Variants in MAGI2 observed in about 807,000 individuals in gnomAD.
The protein encoded by MAGI2 is membrane-associated guanylate kinase, WW and PDZ domain-containing protein 2.
MAGI2 carries 35 observed loss-of-function variants against 133.3 expected under a neutral mutation model. The observed-to-expected ratio is 0.26, with a 90% CI of 0.20 to 0.35. The LOEUF is 0.35. MAGI2 is among the 10% of genes least tolerant of loss of function. The probability of loss-of-function intolerance (pLI) is 1.00; values close to 1 mark genes in which losing one functional copy is unlikely to be tolerated. For missense variants in MAGI2, 1,636 were observed against 1,863.4 expected (o/e 0.88, Z 2.25); for synonymous variants, 729 against 710.6 (o/e 1.03, Z -0.41).
chr7:79,175,385 C>T (rs531516966), intron 1 of MAGI2, among the ~76,000 whole-genome samples: 1 of 151,900 alleles, frequency 6.6e-6, no homozygotes, highest in East Asian at 1.9e-4. Flanking sequence ...ACAAAACAAC[C>T]TCTCTGTTGC....
At chr7:79,237,612 G>A (rs1036613736) in intron 1 of MAGI2, among the ~76,000 whole-genome samples, 4 of 151,910 alleles carry the variant, frequency 2.6e-5, no homozygotes, top group South Asian at 2.1e-4. Flanking sequence ...CCTGTCTCCC[G>A]GTCTCTCTCC....
chr7:79,150,799 C>T (rs1445075091), intron 1 of MAGI2, among the ~76,000 whole-genome samples: 1 of 151,810 alleles, frequency 6.6e-6, no homozygotes, highest in African/African-American at 2.4e-5. Context: ...GAGAAGACTA[C>T]AGAACCTATA....
intron 1 of MAGI2, among the ~76,000 whole-genome samples, chr7:79,237,374 T>A (rs1832020617): frequency 6.6e-6 from 1 of 152,248 alleles, no homozygotes; most frequent in South Asian, 2.1e-4. Context: ...GTGCCTGTAG[T>A]CCTAGCTACT....
chr7:79,019,022 A>G (rs1809021212), intron 1 of MAGI2, among the ~76,000 whole-genome samples: 1 of 152,184 alleles, frequency 6.6e-6, no homozygotes, highest in Non-Finnish European at 1.5e-5. Context: ...GACCTTAACC[A>G]AAAGCTTGAA....
intron 2 of MAGI2, among the ~76,000 whole-genome samples, chr7:78,817,831 T>TC (rs1789739744): frequency 6.6e-6 from 1 of 151,948 alleles, no homozygotes; most frequent in South Asian, 2.1e-4. Flanking sequence ...TGCCTCAGCC[T>TC]CCCAAGTAGC....
chr7:78,074,210 G>A (rs145555271), intron 21 of MAGI2, among the ~76,000 whole-genome samples: 2,236 of 152,122 alleles, frequency 0.015, 31 homozygotes, highest in Middle Eastern at 0.024. Context: ...ACATATTTGC[G>A]GCATGTTTAC....
chr7:79,399,095 C>CTT lies in MAGI2; in HGVS notation c.301+53923_301+53924dup, dbSNP rs767332496. ...GTATTATTTCTTTTTTTTTTCTTTTCTTTTTTTTTTTTTTTGGGAGATGGA... is the reference window on the plus strand; with the variant it reads ...GTATTATTTCTTTTTTTTTTCTTTTCTTTTTTTTTTTTTTTTTGGGAGATGGA... On this transcript the variant is annotated intron_variant, in intron 1 of 21. Coordinates refer to ENST00000354212, the MANE Select transcript of MAGI2 (RefSeq NM_012301.4). 1.9e-3 allele frequency among the ~76,000 whole-genome samples: 204 copies of CTT among 106,248 alleles called. 12 individuals carry two copies. Among genetic ancestry groups the CTT allele is most frequent in the Middle Eastern group, 9.6e-3 (2 of 208 alleles). The allele number at this position is 106,248 out of a possible 152,430, so 69.7% of individuals were successfully genotyped here.
intron 2 of MAGI2, among the ~76,000 whole-genome samples, chr7:78,976,015 T>A (rs1044937132): frequency 6.6e-6 from 1 of 151,644 alleles, no homozygotes; most frequent in African/African-American, 2.4e-5. Context: ...AAAAAGTTAA[T>A]CAGTAATAAC....
At chr7:78,400,912 A>C (rs1270231108) in intron 6 of MAGI2, among the ~76,000 whole-genome samples, 3 of 152,248 alleles carry the variant, frequency 2.0e-5, no homozygotes, top group East Asian at 3.9e-4. Flanking sequence ...CAGTTCTGAG[A>C]ACCTTATCTT....
chr7:78,368,806 C>T (rs529045794), intron 7 of MAGI2, among the ~76,000 whole-genome samples: 23 of 152,248 alleles, frequency 1.5e-4, no homozygotes, highest in South Asian at 1.2e-3. Flanking sequence ...ACTTCGAAAT[C>T]TGTTTTAATA....
chr7:78,698,832 TC>T (rs1348149195), intron 2 of MAGI2, among the ~76,000 whole-genome samples: 1 of 151,972 alleles, frequency 6.6e-6, no homozygotes, highest in East Asian at 1.9e-4. Flanking sequence ...GAACTCACTA[TC>T]AGAAGAACAG....
Position 78,019,662 on chromosome 7 carries a change from C to A in MAGI2, c.4021G>T (p.Gly1341Cys). 1 of 1,253,544 alleles carries A rather than the reference C, an allele frequency of 8.0e-7. No individual in the cohort carries two copies. Among genetic ancestry groups the A allele is most frequent in the Non-Finnish European group, 1.0e-6 (1 of 1,001,834 alleles). The allele number at this position is 1,253,544 out of a possible 1,614,324, so 77.7% of individuals were successfully genotyped here. A position where few individuals can be genotyped will look rare whatever the true frequency, so the allele number is the denominator to read the frequency against. ...GCCCTGGCCTCCGAGGCGGGCCTGCCGGCCTCGGGCCGCCCCTGGCCGCCG... is the reference window on the plus strand; with the variant it reads ...GCCCTGGCCTCCGAGGCGGGCCTGCAGGCCTCGGGCCGCCCCTGGCCGCCG... ...APGGQGRPEA[G>C]RPASEARAPG... is the part of the protein sequence containing the mutation. Residue 1341 changes from glycine (G) to cysteine (C), a missense_variant, in exon 22 of 22, where the codon GGC becomes TGC. Gly to Cys is a radical substitution (Grantham distance 159, BLOSUM62 -3). This residue lies in a region of MAGI2 where 354 missense variants were observed against 298.7 expected (regional missense o/e 1.19). Transcript: ENST00000354212.
At chr7:79,275,788 G>T (rs1467012921) in intron 1 of MAGI2, among the ~76,000 whole-genome samples, 1 of 152,016 alleles carries the variant, frequency 6.6e-6, no homozygotes, top group Non-Finnish European at 1.5e-5. Flanking sequence ...CTAAAAAAGG[G>T]CCCTTAAGAA....
At chr7:78,872,835 CATATATGAAAT>C (rs1249303433) in intron 2 of MAGI2, among the ~76,000 whole-genome samples, 2 of 151,686 alleles carry the variant, frequency 1.3e-5, no homozygotes, top group African/African-American at 4.8e-5. Flanking sequence ...TGAGAATAAC[CATATATGAAAT>C]ATAATGAAAA....
chr7:79,077,764 C>T (rs1269901795), intron 1 of MAGI2, among the ~76,000 whole-genome samples: 9 of 151,584 alleles, frequency 5.9e-5, no homozygotes, highest in Admixed American at 5.9e-4. Flanking sequence ...ATATATGTTG[C>T]AGAAAATAAA....
chr7:79,321,670 T>A (rs777740032), intron 1 of MAGI2, among the ~76,000 whole-genome samples: 1 of 152,208 alleles, frequency 6.6e-6, no homozygotes, highest in Non-Finnish European at 1.5e-5. Flanking sequence ...TTAGCTACAA[T>A]GCTTATTAGT....
At chr7:78,429,584 AC>A (rs1034924847) in intron 6 of MAGI2, among the ~76,000 whole-genome samples, 24 of 152,128 alleles carry the variant, frequency 1.6e-4, no homozygotes, top group Non-Finnish European at 2.8e-4. Flanking sequence ...ATAAATATGT[AC>A]CTTTTTTCTC....
intron 2 of MAGI2, among the ~76,000 whole-genome samples, chr7:78,682,259 A>G (rs930859042): frequency 1.3e-5 from 2 of 152,258 alleles, no homozygotes; most frequent in East Asian, 1.9e-4. Flanking sequence ...TTTCTGGGAT[A>G]CATGTGTAGG....
intron 6 of MAGI2, among the ~76,000 whole-genome samples, chr7:78,473,611 C>T (rs1791447042): frequency 6.6e-6 from 1 of 152,046 alleles, no homozygotes; most frequent in Non-Finnish European, 1.5e-5. Context: ...TAAATGAAGT[C>T]CTTCCTAATT....
Sources: gnomAD v4.1 joint callset for allele counts (sites outside exome capture counted in the v4.1 genomes callset) on GRCh38, gnomAD v4.1.1 for gene constraint, gnomAD v4.1.1 regional missense constraint, MANE v1.5 for transcripts, NCBI Gene and HGNC (gene_info 2026-07-23, HGNC 2026-07-21) for gene names.